The following EPHA6 variants were observed in gnomAD, a reference collection of about 807,000 sequenced individuals.
The protein encoded by EPHA6 is EPH receptor A6.
EPHA6 carries 50 observed loss-of-function variants against 112.0 expected under a neutral mutation model. The ratio of observed to expected loss-of-function variants is 0.45; its 90% CI spans 0.36 to 0.56. EPHA6 has a LOEUF of 0.56. Among genes scored for constraint, EPHA6 ranks in the 20% least tolerant of loss-of-function variants. EPHA6 has a pLI of 0.00. For missense variants in EPHA6, 1,280 were observed against 1,417.4 expected, an observed-to-expected ratio of 0.90 and a Z score of 1.56; for synonymous variants, 529 against 490.7, an observed-to-expected ratio of 1.08 and a Z score of -1.03.
At chr3:97,230,016 G>T (rs1170342359) in intron 4 of EPHA6, among the ~76,000 whole-genome samples, 1 of 151,988 alleles carries the variant, frequency 6.6e-6, no homozygotes, top group Admixed American at 6.6e-5. Flanking sequence ...TTCTTGCATG[G>T]TTACTGAATA....
intron 6 of EPHA6, among the ~76,000 whole-genome samples, chr3:97,414,422 C>T (rs2087961955): frequency 6.6e-6 from 1 of 151,920 alleles, no homozygotes; most frequent in Non-Finnish European, 1.5e-5. Flanking sequence ...AGGTACTTAA[C>T]ACCCTCAAGA....
At chr3:97,595,371 C>T (rs761015032) in intron 12 of EPHA6, among the ~76,000 whole-genome samples, 4 of 152,080 alleles carry the variant, frequency 2.6e-5, no homozygotes, top group South Asian at 2.1e-4. Flanking sequence ...AGGCCAGGCG[C>T]GGTGGCTCAG....
At chr3:97,686,318 T>C (rs2032245605) in intron 14 of EPHA6, among the ~76,000 whole-genome samples, 1 of 152,176 alleles carries the variant, frequency 6.6e-6, no homozygotes. Flanking sequence ...CCTTCCTTCC[T>C]TCTCTCCCTC....
At chr3:97,136,310 A>C (rs1177491047) in intron 3 of EPHA6, among the ~76,000 whole-genome samples, 1 of 152,214 alleles carries the variant, frequency 6.6e-6, no homozygotes, top group Non-Finnish European at 1.5e-5. Context: ...GAGAGATGTA[A>C]TTTTAAAAAG....
chr3:97,556,969 T>C (rs1162814608), intron 11 of EPHA6, among the ~76,000 whole-genome samples: 1 of 152,036 alleles, frequency 6.6e-6, no homozygotes, highest in Non-Finnish European at 1.5e-5. Flanking sequence ...CATACAAATA[T>C]TTCTCTTTTA....
intron 5 of EPHA6, among the ~76,000 whole-genome samples, chr3:97,262,015 A>G (rs2079519702): frequency 6.6e-6 from 1 of 152,190 alleles, no homozygotes; most frequent in South Asian, 2.1e-4. Flanking sequence ...AACCCTAGTT[A>G]TTTAGTCATA....
In EPHA6 at chr3:97,398,371, C is replaced by T. The variant is rs747095526; in HGVS notation, c.1607-6779C>T. Among the ~76,000 whole-genome samples the T allele has an allele frequency of 7.3e-5, 11 of 151,458 alleles. No individual in the cohort carries two copies. In the South Asian group the frequency reaches 1.0e-3, roughly 14 times the overall value. The stretch of plus-strand genomic sequence containing the variant: ...AAAGTTATAATTTATCCATCAAGCA[C>T]GATTTAATATATTATTACACTATAA... On this transcript the variant is annotated intron_variant, in intron 5 of 17. Coordinates refer to ENST00000389672, the MANE Select transcript of EPHA6 (RefSeq NM_001080448.3).
chr3:97,748,876 A>G lies in EPHA6; in HGVS notation c.*175A>G. ...CCAACCAGGATTTTAAAATCATGCT[A>G]CATAAATCCGTTCTGAATAACCTGC... On this transcript the variant is annotated 3_prime_UTR_variant, in exon 18 of 18. Coordinates refer to ENST00000389672, the MANE Select transcript of EPHA6 (RefSeq NM_001080448.3). The G allele has an allele frequency of 1.7e-6, 1 of 582,964 alleles. No individual in the cohort carries two copies. 36.1% of individuals were successfully genotyped at this position (582,964 alleles called of 1,614,324 possible). A position where few individuals can be genotyped will look rare whatever the true frequency, so the allele number is the denominator to read the frequency against.
chr3:96,833,635 C>G lies in EPHA6; in HGVS notation c.385+18627C>G, dbSNP rs2034225007. Among the ~76,000 whole-genome samples, 3 of 152,098 alleles carry G rather than the reference C, an allele frequency of 2.0e-5. 1 individual carries two copies. The highest frequency in any genetic ancestry group is 2.0e-4 in the Admixed American group (3 of 15,260). Reference sequence around the variant, plus strand: ...TCATCTCTTAGAATATAAAAGAGATCTAGCTGAAGAAAGTTAAACCAGAGT... The same window carrying G: ...TCATCTCTTAGAATATAAAAGAGATGTAGCTGAAGAAAGTTAAACCAGAGT... On this transcript the variant is annotated intron_variant, in intron 1 of 17. Transcript: ENST00000389672.
intron 5 of EPHA6, among the ~76,000 whole-genome samples, chr3:97,330,455 G>T (rs1416038269): frequency 6.6e-6 from 1 of 152,100 alleles, no homozygotes; most frequent in Non-Finnish European, 1.5e-5. Flanking sequence ...CATGAGCATG[G>T]AATGTTCTTC....
chr3:97,445,511 G>C (rs2090310753), intron 6 of EPHA6, among the ~76,000 whole-genome samples: 1 of 152,092 alleles, frequency 6.6e-6, no homozygotes, highest in Non-Finnish European at 1.5e-5. Flanking sequence ...ATAATACCTT[G>C]TATGAAAACT....
chr3:97,246,888 A>G (rs985850375), intron 5 of EPHA6, among the ~76,000 whole-genome samples: 1 of 151,970 alleles, frequency 6.6e-6, no homozygotes. Flanking sequence ...GTTATGAACT[A>G]TTCAATCTGT....
chr3:97,621,588 A>G (rs1240338339), intron 13 of EPHA6, among the ~76,000 whole-genome samples: 1 of 151,850 alleles, frequency 6.6e-6, no homozygotes, highest in African/African-American at 2.4e-5. Flanking sequence ...AAGAAAGTTG[A>G]ACCAGGGTGG....
chr3:97,540,170 T>C (rs1307838603), intron 11 of EPHA6, among the ~76,000 whole-genome samples: 1 of 152,234 alleles, frequency 6.6e-6, no homozygotes, highest in African/African-American at 2.4e-5. Flanking sequence ...TACTGTGCTT[T>C]CTCTCTTCTA....
At chr3:97,513,898 A>G (rs2092405436) in intron 10 of EPHA6, among the ~76,000 whole-genome samples, 1 of 152,184 alleles carries the variant, frequency 6.6e-6, no homozygotes, top group East Asian at 1.9e-4. Flanking sequence ...AGAGAGAAAA[A>G]TGAACAGAAA....
intron 11 of EPHA6, among the ~76,000 whole-genome samples, chr3:97,577,975 T>G (rs2093402964): frequency 1.3e-5 from 2 of 152,010 alleles, no homozygotes; most frequent in Non-Finnish European, 2.9e-5. Context: ...GTGGATAGAC[T>G]CAGAAATAAT....
chr3:96,872,321 T>A (rs2036672759), intron 2 of EPHA6, among the ~76,000 whole-genome samples: 1 of 151,978 alleles, frequency 6.6e-6, no homozygotes, highest in Admixed American at 6.6e-5. Context: ...TGCCTGGAGA[T>A]CTCCTTGTGG....
In EPHA6 at chr3:97,251,748, A is replaced by G. The variant is rs183643321; in HGVS notation, c.1606+7461A>G. On this transcript the variant is annotated intron_variant, in intron 5 of 17. Coordinates refer to ENST00000389672, the MANE Select transcript of EPHA6 (RefSeq NM_001080448.3). ...CACTTTTCTATTTCGTTTAGATTCT[A>G]AAACAGTCAGTCGTCTACATAAATA... 3.7e-3 allele frequency among the ~76,000 whole-genome samples: 559 copies of G among 152,268 alleles called. 3 individuals carry two copies. The highest frequency in any genetic ancestry group is 0.012 in the African/African-American group (512 of 41,564).
chr3:97,566,705 T>C (rs1454595398), intron 11 of EPHA6, among the ~76,000 whole-genome samples: 1 of 152,174 alleles, frequency 6.6e-6, no homozygotes, highest in African/African-American at 2.4e-5. Context: ...TATGGCTGGA[T>C]CTAGGATTCT....
Sources: gnomAD v4.1 joint callset for allele counts (sites outside exome capture counted in the v4.1 genomes callset) on GRCh38, gnomAD v4.1.1 for gene constraint, MANE v1.5 for transcripts, NCBI Gene and HGNC (gene_info 2026-07-23, HGNC 2026-07-21) for gene names.